The following IL1R1 variants were observed in gnomAD, a reference collection of about 807,000 sequenced individuals.
IL1R1 encodes interleukin-1 receptor type 1.
IL1R1 carries 22 observed loss-of-function variants against 50.2 expected under a neutral mutation model. That is an observed-to-expected ratio of 0.44 (90% CI 0.31 to 0.63). The LOEUF (loss-of-function observed/expected upper bound fraction) is 0.63. Among genes scored for constraint, IL1R1 ranks in the 20% least tolerant of loss-of-function variants. The pLI, the probability that IL1R1 is intolerant of heterozygous loss-of-function variation, is 0.07. For synonymous variants in IL1R1, 251 were observed against 236.7 expected, an observed-to-expected ratio of 1.06 and a Z score of -0.55; for missense variants, 509 against 676.2, an observed-to-expected ratio of 0.75 and a Z score of 2.74.
intron 1 of IL1R1, chr2:102,104,888 G>C (rs1182166473): frequency 2.6e-5 from 4 of 152,252 alleles, no homozygotes; most frequent in African/African-American, 9.6e-5. Flanking sequence ...ATGATTAATT[G>C]CACTGCAGGT....
At chr2:102,111,191 G>A (rs1469099746) in intron 1 of IL1R1, among the ~76,000 whole-genome samples, 1 of 152,188 alleles carries the variant, frequency 6.6e-6, no homozygotes, top group East Asian at 1.9e-4. Flanking sequence ...GTAGTCATGG[G>A]CTGGGGAAGA....
chr2:102,159,379 C>G (rs1684494543), intron 3 of IL1R1, among the ~76,000 whole-genome samples: 1 of 152,248 alleles, frequency 6.6e-6, no homozygotes, highest in African/African-American at 2.4e-5. Context: ...TGGAGCATAC[C>G]TTCAACATTA....
At chr2:102,129,245 C>A (rs556936209) in intron 1 of IL1R1, among the ~76,000 whole-genome samples, 1 of 132,274 alleles carries the variant, frequency 7.6e-6, no homozygotes, top group Admixed American at 8.3e-5. Context: ...AACAATGAAA[C>A]CCCAAAAACC....
At chr2:102,166,324 G>A in intron 6 of IL1R1, 43 bp downstream of exon 6, 1 of 1,434,158 alleles carries the variant, frequency 7.0e-7, no homozygotes, top group South Asian at 1.4e-5. Flanking sequence ...ATCTGGGAAG[G>A]TCCAGAGACT....
At chr2:102,083,869 G>T (rs1271053850) in intron 1 of IL1R1, among the ~76,000 whole-genome samples, 1 of 151,908 alleles carries the variant, frequency 6.6e-6, no homozygotes, top group Non-Finnish European at 1.5e-5. Context: ...GCTTGAACCT[G>T]GGAGGCAGAG....
At chr2:102,129,587 G>A (rs894396428) in intron 1 of IL1R1, among the ~76,000 whole-genome samples, 1 of 152,242 alleles carries the variant, frequency 6.6e-6, no homozygotes, top group Non-Finnish European at 1.5e-5. Flanking sequence ...GACTTAGGAT[G>A]TAGGTCCTTA....
intron 1 of IL1R1, among the ~76,000 whole-genome samples, chr2:102,108,945 GAATAATAATAATAAT>G (rs147984449): frequency 0.28 from 40,170 of 145,346 alleles, 6,675 homozygotes; most frequent in Non-Finnish European, 0.36. Flanking sequence ...ACTTGGTACT[GAATAATAATAATAAT>G]AATAATAATA....
chr2:102,133,962 C>A (rs1053188633), intron 1 of IL1R1, among the ~76,000 whole-genome samples: 27 of 151,774 alleles, frequency 1.8e-4, no homozygotes, highest in African/African-American at 6.5e-4. Context: ...AAAAGAAATT[C>A]TATTTGTAGA....
At chr2:102,165,049 C>A in intron 4 of IL1R1, 41 bp downstream of exon 4, 2 of 1,576,488 alleles carry the variant, frequency 1.3e-6, no homozygotes, top group Admixed American at 3.5e-5. Context: ...GTTCTAGTTT[C>A]CTGCAGTTGT....
intron 2 of IL1R1, among the ~76,000 whole-genome samples, chr2:102,157,349 AC>A (rs1398522281): frequency 3.3e-5 from 5 of 152,096 alleles, no homozygotes; most frequent in African/African-American, 4.8e-5. Flanking sequence ...CAATCCCCAC[AC>A]AAGCAGAGGT....
intron 11 of IL1R1, 65 bp downstream of exon 11, chr2:102,175,710 C>CCA: frequency 6.8e-7 from 1 of 1,479,018 alleles, no homozygotes; most frequent in Non-Finnish European, 9.5e-7. Flanking sequence ...AATGTGGATT[C>CCA]CATCTTTCTA....
intron 1 of IL1R1, among the ~76,000 whole-genome samples, chr2:102,074,129 AG>A (rs1444592282): frequency 6.6e-6 from 1 of 152,230 alleles, no homozygotes; most frequent in African/African-American, 2.4e-5. Flanking sequence ...CTCTCAAAGA[AG>A]TTCAAATATT....
chr2:102,077,460 C>T (rs1260004924), intron 1 of IL1R1, among the ~76,000 whole-genome samples: 6 of 152,168 alleles, frequency 3.9e-5, no homozygotes, highest in Non-Finnish European at 7.4e-5. Context: ...CTGATTTTAT[C>T]TCAATTAGTT....
chr2:102,086,625 C>A (rs1679442342), intron 1 of IL1R1, among the ~76,000 whole-genome samples: 1 of 151,688 alleles, frequency 6.6e-6, no homozygotes, highest in Non-Finnish European at 1.5e-5. Context: ...TCTTTGTGAT[C>A]TTTCAACTGT....
At chr2:102,122,014 C>T (rs1225723336) in intron 1 of IL1R1, among the ~76,000 whole-genome samples, 2 of 152,268 alleles carry the variant, frequency 1.3e-5, no homozygotes, top group South Asian at 2.1e-4. Flanking sequence ...GGAAGATATA[C>T]GTTTGTTTCA....
chr2:102,140,297 T>A (rs1682571640), upstream of IL1R1, among the ~76,000 whole-genome samples: 1 of 152,224 alleles, frequency 6.6e-6, no homozygotes, highest in Admixed American at 6.5e-5. Context: ...CATTGGATTA[T>A]GTTGTGTTGG....
At chr2:102,126,661 G>A (rs1415374847) in intron 1 of IL1R1, among the ~76,000 whole-genome samples, 3 of 151,252 alleles carry the variant, frequency 2.0e-5, no homozygotes, top group Non-Finnish European at 4.4e-5. Context: ...AAAATGTCTA[G>A]TAGCCCCAAC....
intron 1 of IL1R1, among the ~76,000 whole-genome samples, chr2:102,093,493 C>A (rs562251209): frequency 6.6e-6 from 1 of 152,254 alleles, no homozygotes; most frequent in South Asian, 2.1e-4. Context: ...CCACATCCTC[C>A]CTTGCACTTG....
intron 1 of IL1R1, among the ~76,000 whole-genome samples, chr2:102,147,050 C>T (rs1683193066): frequency 6.6e-6 from 1 of 152,196 alleles, no homozygotes; most frequent in Non-Finnish European, 1.5e-5. Context: ...CAGGAATGCA[C>T]TTCCGTTGCT....
Sources: gnomAD v4.1 joint callset for allele counts (sites outside exome capture counted in the v4.1 genomes callset) on GRCh38, gnomAD v4.1.1 for gene constraint, MANE v1.5 for transcripts, NCBI Gene and HGNC (gene_info 2026-07-23, HGNC 2026-07-21) for gene names.